Variants in WDR26 observed in about 807,000 individuals in gnomAD.
The protein encoded by WDR26 is WD repeat domain 26, also known as WD repeat-containing protein 26.
Under a neutral mutation model 84.1 loss-of-function variants are expected in WDR26, and 5 were observed. The ratio of observed to expected loss-of-function variants is 0.06; its 90% CI spans 0.03 to 0.13. The LOEUF (loss-of-function observed/expected upper bound fraction) is 0.13. WDR26 is among the 10% of genes least tolerant of loss of function. The probability of loss-of-function intolerance (pLI) is 1.00; values close to 1 mark genes in which losing one functional copy is unlikely to be tolerated. For missense variants in WDR26, 642 were observed against 974.9 expected (o/e 0.66, Z 4.55); for synonymous variants, 415 against 389.6 (o/e 1.07, Z -0.77).
chr1:224,398,203 T>C lies in WDR26; in HGVS notation c.1968A>G (p.Gln656=), dbSNP rs1324875724. 3 of 1,613,286 alleles carry C rather than the reference T, an allele frequency of 1.9e-6. No individual in the cohort carries two copies. The highest frequency in any genetic ancestry group is 1.7e-5 in the Admixed American group (1 of 59,832). ...GATACTTTCTTACTAAAACTCTGTC[T>C]TGCAAGTCCCATAAATGAACTCCCT... Residue 656 remains glutamine (Q), a synonymous_variant, in exon 12 of 14, where the codon CAA becomes CAG. Transcript: ENST00000414423.
chr1:224,407,169 TATAA>T (rs1476876662), intron 7 of WDR26, among the ~76,000 whole-genome samples: 1 of 97,990 alleles, frequency 1.0e-5, no homozygotes, highest in African/African-American at 4.0e-5. Context: ...TATATATATA[TATAA>T]CTCAAAAACT....
At chr1:224,424,292 A>G (rs1674150385) in intron 4 of WDR26, among the ~76,000 whole-genome samples, 1 of 152,220 alleles carries the variant, frequency 6.6e-6, no homozygotes, top group Non-Finnish European at 1.5e-5. Context: ...AGCATTTCAC[A>G]GGCAATACAT....
At chr1:224,428,015 C>T (rs917289111) in intron 3 of WDR26, among the ~76,000 whole-genome samples, 2 of 152,144 alleles carry the variant, frequency 1.3e-5, no homozygotes, top group South Asian at 2.1e-4. Context: ...CAACTCCCAA[C>T]TAGATCTCTT....
At chr1:224,427,932 A>G (rs1409911918) in intron 3 of WDR26, among the ~76,000 whole-genome samples, 2 of 152,198 alleles carry the variant, frequency 1.3e-5, no homozygotes, top group African/African-American at 4.8e-5. Flanking sequence ...TAATGTTTAT[A>G]TTTTTTAAAA....
intron 5 of WDR26, among the ~76,000 whole-genome samples, chr1:224,419,072 T>C (rs1673984405): frequency 6.6e-6 from 1 of 152,188 alleles, no homozygotes; most frequent in African/African-American, 2.4e-5. Context: ...GAACATCTTT[T>C]ACATAAAAAT....
intron 7 of WDR26, among the ~76,000 whole-genome samples, chr1:224,411,152 CAGG>C (rs1199326712): frequency 1.3e-5 from 2 of 152,148 alleles, no homozygotes; most frequent in Non-Finnish European, 2.9e-5. Flanking sequence ...CATCTGACTG[CAGG>C]AGATGTTAGC....
rs757332938 is a variant in WDR26 at position 224,400,956 on chromosome 1, A to G, written c.1713T>C (p.Tyr571=). 3.1e-6 allele frequency: 5 copies of G among 1,613,690 alleles called. No individual in the cohort carries two copies. In the African/African-American group the frequency reaches 6.7e-5, roughly 22 times the overall value. The stretch of plus-strand genomic sequence containing the variant: ...GGGGGCACTGAATACTTACACACTG[A>G]TAGAACTGCCCACGCTGACCTCCAG... Residue 571 remains tyrosine (Y), a synonymous_variant, in exon 9 of 14, where the codon TAT becomes TAC. Coordinates refer to ENST00000414423, the MANE Select transcript of WDR26 (RefSeq NM_001379403.1).
At chr1:224,426,270 T>C (rs1410956657) in intron 3 of WDR26, among the ~76,000 whole-genome samples, 2 of 152,240 alleles carry the variant, frequency 1.3e-5, no homozygotes, top group African/African-American at 4.8e-5. Flanking sequence ...TACAAGATTT[T>C]CTATCAAGGA....
chr1:224,407,985 T>C (rs1673629493), intron 7 of WDR26, among the ~76,000 whole-genome samples: 1 of 152,196 alleles, frequency 6.6e-6, no homozygotes, highest in South Asian at 2.1e-4. Flanking sequence ...AACTCTGCAT[T>C]TCCCAAGCTA....
chr1:224,429,184 C>T (rs1674314779), intron 3 of WDR26: 2 of 151,934 alleles, frequency 1.3e-5, no homozygotes, highest in African/African-American at 4.8e-5. Flanking sequence ...ATCGCTTGAA[C>T]CTGGGAGGCG....
intron 5 of WDR26, 118 bp from the exon 6 acceptor site, chr1:224,418,534 T>C: frequency 1.0e-6 from 1 of 994,540 alleles, no homozygotes; most frequent in Non-Finnish European, 1.4e-6. Flanking sequence ...ATTCCTTAAA[T>C]AGAGAAGTTC....
intron 3 of WDR26, 87 bp downstream of exon 3, chr1:224,431,389 AT>A (rs761289373): frequency 3.3e-6 from 4 of 1,227,242 alleles, no homozygotes; most frequent in Non-Finnish European, 4.6e-6. Context: ...TTTAGGCCTT[AT>A]TTTTTTATAA....
chr1:224,430,301 T>C (rs1674355156), intron 3 of WDR26: 1 of 152,168 alleles, frequency 6.6e-6, no homozygotes, highest in Non-Finnish European at 1.5e-5. Context: ...ACCAATCATC[T>C]TAGTCAACAG....
intron 9 of WDR26, 98 bp from the exon 10 acceptor site, chr1:224,399,132 A>AT: frequency 8.3e-7 from 1 of 1,209,080 alleles, no homozygotes; most frequent in South Asian, 2.1e-5. Context: ...TTTTAGTAAC[A>AT]GGTTTTTTTT....
chr1:224,389,837 A>G lies in WDR26; in HGVS notation c.2284T>C (p.Ter762ArgextTer2). 1.3e-6 allele frequency: 2 copies of G among 1,596,330 alleles called. No homozygotes were observed. The highest frequency in any genetic ancestry group is 1.7e-6 in the Non-Finnish European group (2 of 1,174,134). ...AGTCGTCTGCTCCAAATTCACCATC[A>G]ACTATCCATGCTACTGCATTCCTCT... Residue 762 changes from the stop codon to arginine (R), a stop_lost, in exon 14 of 14, where the codon TGA (stop) becomes CGA (arginine). Transcript: ENST00000414423.
At chr1:224,411,991 G>C (rs1426661063) in intron 6 of WDR26, among the ~76,000 whole-genome samples, 2 of 152,054 alleles carry the variant, frequency 1.3e-5, no homozygotes, top group African/African-American at 4.8e-5. Flanking sequence ...GATGGAGTGA[G>C]ATCATTTCAA....
At chr1:224,406,013 C>A (rs1344323291) in intron 7 of WDR26, among the ~76,000 whole-genome samples, 1 of 151,948 alleles carries the variant, frequency 6.6e-6, no homozygotes, top group Non-Finnish European at 1.5e-5. Context: ...AGTCAGTTCC[C>A]AAAAAATGAG....
At chr1:224,427,908 G>A (rs1674273885) in intron 3 of WDR26, among the ~76,000 whole-genome samples, 1 of 151,926 alleles carries the variant, frequency 6.6e-6, no homozygotes, top group Non-Finnish European at 1.5e-5. Flanking sequence ...GCTGAGATGG[G>A]GACAGGGCTC....
chr1:224,430,135 C>A (rs903495109), intron 3 of WDR26: 1 of 152,050 alleles, frequency 6.6e-6, no homozygotes, highest in Admixed American at 6.6e-5. Context: ...ATAAAATGTA[C>A]TTGGGTATTT....
Sources: allele counts gnomAD v4.1 joint callset (sites outside exome capture counted in the v4.1 genomes callset), GRCh38; gene constraint gnomAD v4.1.1; transcripts MANE v1.5; gene names NCBI Gene and HGNC (gene_info 2026-07-23, HGNC 2026-07-21).